FARS2: variants seen among roughly 807,000 people sequenced by gnomAD.
FARS2 encodes the protein phenylalanyl-tRNA synthetase 2, mitochondrial.
Under a neutral mutation model 46.4 loss-of-function variants are expected in FARS2, and 40 were observed. The observed-to-expected ratio is 0.86, with a 90% CI of 0.67 to 1.12. The LOEUF is 1.12. Among genes scored for constraint, FARS2 ranks in the 50% most tolerant of loss-of-function variants. The pLI is 0.00. For synonymous variants in FARS2, 234 were observed against 214.9 expected, an observed-to-expected ratio of 1.09 and a Z score of -0.78; for missense variants, 513 against 567.9, an observed-to-expected ratio of 0.90 and a Z score of 0.98.
chr6:5,256,365 C>T (rs967863363), upstream of FARS2, among the ~76,000 whole-genome samples: 1 of 151,616 alleles, frequency 6.6e-6, no homozygotes, highest in Non-Finnish European at 1.5e-5. Context: ...TGGCAGGCAC[C>T]TGTAATCCCA....
intron 3 of FARS2, among the ~76,000 whole-genome samples, chr6:5,424,119 C>T (rs536333976): frequency 1.3e-5 from 2 of 152,214 alleles, no homozygotes; most frequent in Admixed American, 6.5e-5. Context: ...GTGGGAGCTG[C>T]GTAAGAGGGT....
At chr6:5,556,441 A>G (rs1444653461) in intron 5 of FARS2, among the ~76,000 whole-genome samples, 1 of 151,838 alleles carries the variant, frequency 6.6e-6, no homozygotes, top group Non-Finnish European at 1.5e-5. Flanking sequence ...GTCAGTTTCC[A>G]TCTTCAGCTT....
At chr6:5,454,035 T>C (rs1008463784) in intron 4 of FARS2, among the ~76,000 whole-genome samples, 1 of 152,174 alleles carries the variant, frequency 6.6e-6, no homozygotes, top group Non-Finnish European at 1.5e-5. Flanking sequence ...ATTATTATTA[T>C]TGTTTAGCTT....
chr6:5,770,766 C>T (rs1405836633), intron 6 of FARS2, among the ~76,000 whole-genome samples: 1 of 152,224 alleles, frequency 6.6e-6, no homozygotes, highest in East Asian at 1.9e-4. Flanking sequence ...ACATACACGG[C>T]ATATATGGCC....
chr6:5,687,189 GC>G (rs1183321005), intron 6 of FARS2, among the ~76,000 whole-genome samples: 2 of 152,138 alleles, frequency 1.3e-5, no homozygotes, highest in Non-Finnish European at 2.9e-5. Context: ...CTGTGCAGAA[GC>G]TCTTTAGTTT....
At chr6:5,720,168 C>T (rs541263594) in intron 6 of FARS2, among the ~76,000 whole-genome samples, 8 of 151,522 alleles carry the variant, frequency 5.3e-5, no homozygotes, top group Admixed American at 2.6e-4. Flanking sequence ...AAATACATTG[C>T]GAACTAGTTT....
At chr6:5,749,772 G>A (rs1761842019) in intron 6 of FARS2, among the ~76,000 whole-genome samples, 1 of 152,180 alleles carries the variant, frequency 6.6e-6, no homozygotes, top group Non-Finnish European at 1.5e-5. Flanking sequence ...CTACCAGCCC[G>A]ACTTCCTCCC....
chr6:5,598,705 A>G (rs1209683542), intron 5 of FARS2, among the ~76,000 whole-genome samples: 3 of 152,202 alleles, frequency 2.0e-5, no homozygotes, highest in Non-Finnish European at 4.4e-5. Context: ...GAGGTCAGGA[A>G]GAAATCGAAA....
intron 5 of FARS2, among the ~76,000 whole-genome samples, chr6:5,589,231 C>G (rs1401681869): frequency 6.6e-6 from 1 of 152,178 alleles, no homozygotes; most frequent in Admixed American, 6.5e-5. Flanking sequence ...TGCTTCCTAA[C>G]TTAACCCTGG....
chr6:5,484,371 G>A (rs970996254), intron 4 of FARS2, among the ~76,000 whole-genome samples: 13 of 152,160 alleles, frequency 8.5e-5, no homozygotes, highest in Admixed American at 1.3e-4. Context: ...TGAATATTAG[G>A]TTTTAGGTGG....
chr6:5,694,928 G>A (rs1758005588), intron 6 of FARS2: 1 of 152,116 alleles, frequency 6.6e-6, no homozygotes, highest in Admixed American at 6.6e-5. Context: ...GATCGTTTGA[G>A]CCCTGGAAGA....
intron 6 of FARS2, among the ~76,000 whole-genome samples, chr6:5,614,469 A>T (rs1354426796): frequency 6.9e-6 from 1 of 145,552 alleles, no homozygotes; most frequent in African/African-American, 2.6e-5. Flanking sequence ...GAGTGCAGTG[A>T]TGCGATCTCG....
At chr6:5,656,667 C>T (rs1448199515) in intron 6 of FARS2, among the ~76,000 whole-genome samples, 1 of 152,182 alleles carries the variant, frequency 6.6e-6, no homozygotes, top group Non-Finnish European at 1.5e-5. Context: ...TCTCCTGCCT[C>T]AGCCTCCTGA....
At chr6:5,512,060 A>AT (rs35471564) in intron 4 of FARS2, among the ~76,000 whole-genome samples, 3 of 152,294 alleles carry the variant, frequency 2.0e-5, no homozygotes, top group South Asian at 4.1e-4. Context: ...TATTTATGGC[A>AT]TTTTTTGGCT....
chr6:5,730,820 T>C (rs550253708), intron 6 of FARS2, among the ~76,000 whole-genome samples: 3 of 152,352 alleles, frequency 2.0e-5, no homozygotes, highest in South Asian at 4.1e-4. Flanking sequence ...TGTGTGCTTA[T>C]GTTTCAAGCA....
chr6:5,717,124 T>C lies in FARS2; in HGVS notation c.1218-54167T>C, dbSNP rs543282869. Among the ~76,000 whole-genome samples, 83 of 152,304 alleles carry C rather than the reference T, an allele frequency of 5.4e-4. 2 individuals are homozygous for C. The South Asian group carries it at 0.017, about 30-fold the overall frequency. ...GGCCCCTTCAGAAATGGGGAACTTA[T>C]AACCTACAGTCAGACAAGGTAGATA... On this transcript the variant is annotated intron_variant, in intron 6 of 6. Transcript: ENST00000274680.
At chr6:5,428,892 C>T (rs543898653) in intron 3 of FARS2, among the ~76,000 whole-genome samples, 2 of 151,948 alleles carry the variant, frequency 1.3e-5, no homozygotes, top group Admixed American at 1.3e-4. Flanking sequence ...GATGCGATCT[C>T]GGCAATAAAA....
chr6:5,361,932 T>C (rs1266543688), intron 1 of FARS2, among the ~76,000 whole-genome samples: 4 of 152,218 alleles, frequency 2.6e-5, no homozygotes, highest in African/African-American at 9.6e-5. Flanking sequence ...GAAATGATTA[T>C]AAAACTCATT....
intron 6 of FARS2, among the ~76,000 whole-genome samples, chr6:5,644,519 T>A (rs1776980596): frequency 2.6e-5 from 4 of 152,080 alleles, no homozygotes. Context: ...GGCCTGTTGT[T>A]TCCTTTTAAC....
Sources: allele counts gnomAD v4.1 joint callset (sites outside exome capture counted in the v4.1 genomes callset), GRCh38; gene constraint gnomAD v4.1.1; transcripts MANE v1.5; gene names NCBI Gene and HGNC (gene_info 2026-07-23, HGNC 2026-07-21).